The following ADAMTS9 variants were observed in gnomAD, a reference collection of about 807,000 sequenced individuals.
ADAMTS9 encodes A disintegrin and metalloproteinase with thrombospondin motifs 9.
Under a neutral mutation model 257.1 loss-of-function variants are expected in ADAMTS9, and 107 were observed. The ratio of observed to expected loss-of-function variants is 0.42; its 90% CI spans 0.36 to 0.49. The LOEUF (loss-of-function observed/expected upper bound fraction) is 0.49. ADAMTS9 is among the 20% of genes least tolerant of loss of function. The pLI is 0.03. For synonymous variants in ADAMTS9, 982 were observed against 880.9 expected, an observed-to-expected ratio of 1.11 and a Z score of -2.03; for missense variants, 2,353 against 2,469.1, an observed-to-expected ratio of 0.95 and a Z score of 1.00.
intron 28 of ADAMTS9, among the ~76,000 whole-genome samples, chr3:64,586,045 A>G (rs532404434): frequency 5.2e-4 from 79 of 152,238 alleles, no homozygotes; most frequent in Non-Finnish European, 9.3e-4. Context: ...TGAGGGGATT[A>G]TATCTTGGCT....
At chr3:64,627,401 A>AT (rs1700251263) in intron 16 of ADAMTS9, among the ~76,000 whole-genome samples, 1 of 151,962 alleles carries the variant, frequency 6.6e-6, no homozygotes, top group Admixed American at 6.6e-5. Context: ...AAAAAATCCT[A>AT]TTTTATCTTG....
At chr3:64,624,737 C>T (rs1026159550) in intron 16 of ADAMTS9, among the ~76,000 whole-genome samples, 2 of 152,114 alleles carry the variant, frequency 1.3e-5, no homozygotes, top group Non-Finnish European at 2.9e-5. Flanking sequence ...CTTTTCAAAA[C>T]CTTGGCATGA....
chr3:64,595,389 G>A (rs372183209), intron 27 of ADAMTS9, among the ~76,000 whole-genome samples: 4 of 152,146 alleles, frequency 2.6e-5, no homozygotes, highest in Admixed American at 6.5e-5. Flanking sequence ...GTGCTGCTGC[G>A]CTCAAATCCA....
chr3:64,647,826 CA>C (rs1700834456), intron 11 of ADAMTS9, 113 bp downstream of exon 11: 5 of 814,578 alleles, frequency 6.1e-6, no homozygotes, highest in Non-Finnish European at 9.1e-6. Flanking sequence ...AAATATTATG[CA>C]AGCTAAAACA....
At chr3:64,620,379 T>C (rs1700076142) in intron 19 of ADAMTS9, among the ~76,000 whole-genome samples, 2 of 152,098 alleles carry the variant, frequency 1.3e-5, no homozygotes, top group South Asian at 4.2e-4. Flanking sequence ...TGGTGAGACC[T>C]TAACACATTC....
rs1208108186 is a variant in ADAMTS9, at chr3:64,537,055, T to G, written c.5613+2148A>C. On this transcript the variant is annotated intron_variant, in intron 37 of 39. Coordinates refer to ENST00000498707, the MANE Select transcript of ADAMTS9 (RefSeq NM_182920.2). ...ACAAACCTTTTCCTGGAAAACTGAT[T>G]TGAAAAACTCACATCTTGCATCAGT... Among the ~76,000 whole-genome samples, 3 of 152,224 alleles carry G rather than the reference T, an allele frequency of 2.0e-5. No homozygotes were observed. In the East Asian group the frequency reaches 5.8e-4, roughly 29 times the overall value.
intron 12 of ADAMTS9, among the ~76,000 whole-genome samples, chr3:64,636,061 T>C (rs569835638): frequency 6.9e-6 from 1 of 144,576 alleles, no homozygotes; most frequent in South Asian, 2.3e-4. Context: ...CTTCTTTCCC[T>C]TTGAACATAA....
chr3:64,533,522 G>A (rs570189313), intron 37 of ADAMTS9, among the ~76,000 whole-genome samples: 67 of 152,172 alleles, frequency 4.4e-4, no homozygotes, highest in Non-Finnish European at 8.7e-4. Flanking sequence ...GAGGCTTAGC[G>A]GAAGTGATTA....
chr3:64,582,389 G>C (rs543091419), intron 28 of ADAMTS9: 1 of 152,256 alleles, frequency 6.6e-6, no homozygotes, highest in East Asian at 1.9e-4. Context: ...TACAATATAA[G>C]GATTTCACTT....
intron 39 of ADAMTS9, among the ~76,000 whole-genome samples, chr3:64,521,085 T>C (rs776808614): frequency 6.6e-6 from 1 of 151,912 alleles, no homozygotes; most frequent in Non-Finnish European, 1.5e-5. Context: ...ATAAGGAACT[T>C]AAGCAAATCA....
At chr3:64,535,554 T>TTTC (rs1491242951) in intron 37 of ADAMTS9, among the ~76,000 whole-genome samples, 2 of 3,098 alleles carry the variant, frequency 6.5e-4, no homozygotes, top group African/African-American at 8.3e-4. Context: ...TTTCTTTTCT[T>TTTC]TTTTTTTTTT....
At chr3:64,615,929 A>C (rs1312770651) in intron 20 of ADAMTS9, 31 bp downstream of exon 20, 1 of 1,611,568 alleles carries the variant, frequency 6.2e-7, no homozygotes, top group African/African-American at 1.3e-5. Context: ...GACAGCATCC[A>C]AGAAGACTCT....
chr3:64,619,157 G>A lies in ADAMTS9; in HGVS notation c.2813+1957C>T, dbSNP rs948491425. ...CTATGTATAAATCCACCATCTGTGC[G>A]ATCATAGGAGCATACTTAGCACTGT... On this transcript the variant is annotated intron_variant, in intron 19 of 39. Transcript: ENST00000498707. Among the ~76,000 whole-genome samples the A allele has an allele frequency of 7.2e-5, 11 of 152,030 alleles. 1 individual carries two copies. In the South Asian group the frequency reaches 8.3e-4, roughly 11 times the overall value.
intron 22 of ADAMTS9, among the ~76,000 whole-genome samples, chr3:64,613,028 G>T (rs2084695296): frequency 6.6e-6 from 1 of 152,104 alleles, no homozygotes; most frequent in East Asian, 1.9e-4. Flanking sequence ...ACCCACAGAG[G>T]CACGCTAGAA....
Position 64,687,749 on chromosome 3 carries a change from G to T in ADAMTS9, c.-92C>A. ...CGACGCGAGGCAGCGGCCGTGGAGA[G>T]CGCGCGGAGCCCGGCGCCCGCCGCC... On this transcript the variant is annotated 5_prime_UTR_variant, in exon 1 of 40. Coordinates refer to ENST00000498707, the MANE Select transcript of ADAMTS9 (RefSeq NM_182920.2). The surrounding 1 kb of genome is among the most constrained non-coding windows in gnomAD (Gnocchi z 4.4). 2.2e-5 allele frequency: 23 copies of T among 1,036,066 alleles called. No individual in the cohort carries two copies. The highest frequency in any genetic ancestry group is 2.8e-5 in the Non-Finnish European group (21 of 755,194). 64.2% of individuals were successfully genotyped at this position (1,036,066 alleles called of 1,614,324 possible).
intron 16 of ADAMTS9, among the ~76,000 whole-genome samples, chr3:64,624,458 G>C (rs912090609): frequency 2.0e-5 from 3 of 151,996 alleles, no homozygotes; most frequent in Non-Finnish European, 4.4e-5. Context: ...TATTTGTCAA[G>C]TATCCCTTGA....
rs376312080 is a variant in ADAMTS9 at position 64,681,716 on chromosome 3, T to C, written c.517-353A>G. On this transcript the variant is annotated intron_variant, in intron 2 of 39. Coordinates refer to ENST00000498707, the MANE Select transcript of ADAMTS9 (RefSeq NM_182920.2). Reference sequence around the variant, plus strand: ...ATGCCATCATGCCCAGCTAAGTTTTTTACTTTTTGTAGAGATGGGGGTCTC... The same window carrying C: ...ATGCCATCATGCCCAGCTAAGTTTTCTACTTTTTGTAGAGATGGGGGTCTC... 2.0e-3 allele frequency among the ~76,000 whole-genome samples: 298 copies of C among 152,280 alleles called. 3 individuals carry two copies. The South Asian group carries it at 0.022, about 11-fold the overall frequency.
chr3:64,684,297 T>C (rs566558720), intron 2 of ADAMTS9, among the ~76,000 whole-genome samples: 20 of 151,792 alleles, frequency 1.3e-4, no homozygotes, highest in African/African-American at 3.4e-4. Context: ...GGGAGAAAAG[T>C]GAAGCGGGAT....
chr3:64,552,271 TAA>T (rs1404062551), intron 30 of ADAMTS9, among the ~76,000 whole-genome samples: 1 of 152,212 alleles, frequency 6.6e-6, no homozygotes, highest in African/African-American at 2.4e-5. Context: ...CATTCTAGGA[TAA>T]TCTCTATGTC....
Sources: allele counts gnomAD v4.1 joint callset (sites outside exome capture counted in the v4.1 genomes callset), GRCh38; gene constraint gnomAD v4.1.1; non-coding constraint Gnocchi (gnomAD v3.1); transcripts MANE v1.5; gene names NCBI Gene and HGNC (gene_info 2026-07-23, HGNC 2026-07-21).